Variants in XKR6 observed in about 807,000 individuals in gnomAD.
XKR6 encodes XK related 6, also known as XK-related protein 6.
Under a neutral mutation model 56.7 loss-of-function variants are expected in XKR6, and 22 were observed. The ratio of observed to expected loss-of-function variants is 0.39; its 90% CI spans 0.28 to 0.55. The LOEUF is 0.55. XKR6 is among the 20% of genes least tolerant of loss of function. XKR6 has a pLI of 0.66. For synonymous variants in XKR6, 524 were observed against 387.8 expected, an observed-to-expected ratio of 1.35 and a Z score of -4.13; for missense variants, 852 against 889.0, an observed-to-expected ratio of 0.96 and a Z score of 0.53.
chr8:11,064,532 T>C (rs553556804), intron 1 of XKR6, among the ~76,000 whole-genome samples: 51 of 152,250 alleles, frequency 3.3e-4, no homozygotes, highest in Non-Finnish European at 6.6e-4. Context: ...CCGCAAGAAT[T>C]GTCACTGACT....
chr8:11,079,829 T>C (rs1432242272), intron 1 of XKR6, among the ~76,000 whole-genome samples: 2 of 152,104 alleles, frequency 1.3e-5, no homozygotes, highest in East Asian at 1.9e-4. Flanking sequence ...TTAGCTGGCA[T>C]GGTGGCGTGC....
At chr8:10,976,201 C>T (rs1586380204) in intron 1 of XKR6, among the ~76,000 whole-genome samples, 1 of 150,150 alleles carries the variant, frequency 6.7e-6, no homozygotes, top group Admixed American at 6.6e-5. Context: ...TGCCCCCCCC[C>T]AACCTCGCCA....
intron 1 of XKR6, among the ~76,000 whole-genome samples, chr8:11,042,573 T>C (rs1032664622): frequency 6.6e-6 from 1 of 152,242 alleles, no homozygotes; most frequent in Non-Finnish European, 1.5e-5. Context: ...TGTGAGTCCA[T>C]TAAACCTCTT....
intron 1 of XKR6, chr8:11,123,518 C>T (rs188411465): frequency 1.7e-5 from 4 of 231,538 alleles, no homozygotes; most frequent in Non-Finnish European, 2.6e-5. Context: ...AATGTGAAGC[C>T]TGACAAAGCT....
intron 1 of XKR6, among the ~76,000 whole-genome samples, chr8:10,966,459 G>A (rs1000947521): frequency 3.9e-5 from 6 of 152,210 alleles, no homozygotes; most frequent in Admixed American, 3.9e-4. Flanking sequence ...GGATCACGAG[G>A]TCAGGAGATC....
intron 1 of XKR6, among the ~76,000 whole-genome samples, chr8:10,979,865 A>AGAGTG (rs1227148833): frequency 6.6e-6 from 1 of 152,188 alleles, no homozygotes; most frequent in African/African-American, 2.4e-5. Flanking sequence ...TTCCAAGGGC[A>AGAGTG]GAGTGGTCTC....
At chr8:10,925,117 G>C (rs1350542486) in intron 1 of XKR6, among the ~76,000 whole-genome samples, 1 of 152,208 alleles carries the variant, frequency 6.6e-6, no homozygotes, top group African/African-American at 2.4e-5. Context: ...AGATGAGACT[G>C]TGGGGCCAGA....
intron 1 of XKR6, among the ~76,000 whole-genome samples, chr8:10,977,236 G>T (rs1445237318): frequency 6.6e-6 from 1 of 152,116 alleles, no homozygotes; most frequent in African/African-American, 2.4e-5. Context: ...CCCAGGAGGG[G>T]TGGCCTGCCT....
intron 1 of XKR6, among the ~76,000 whole-genome samples, chr8:11,012,533 T>C (rs1435095546): frequency 1.3e-5 from 2 of 152,104 alleles, no homozygotes; most frequent in Non-Finnish European, 2.9e-5. Flanking sequence ...CAGCAGTCCC[T>C]GGCTACATCC....
intron 1 of XKR6, among the ~76,000 whole-genome samples, chr8:11,110,025 T>G (rs1305736085): frequency 6.6e-6 from 1 of 152,128 alleles, no homozygotes; most frequent in East Asian, 1.9e-4. Flanking sequence ...CAGGCTGGAG[T>G]GCAGTGACAC....
At chr8:11,159,176 C>T (rs73198960) in intron 1 of XKR6, among the ~76,000 whole-genome samples, 2,612 of 152,288 alleles carry the variant, frequency 0.017, 37 homozygotes, top group South Asian at 0.033. Flanking sequence ...TACTAACATC[C>T]ACCATATATT....
chr8:11,128,784 C>T, intron 1 of XKR6: 1 of 455,792 alleles, frequency 2.2e-6, no homozygotes, highest in South Asian at 1.6e-5. Context: ...TTATGCCCAT[C>T]AGCTGACCAA....
intron 2 of XKR6, among the ~76,000 whole-genome samples, chr8:10,913,805 G>C (rs984868157): frequency 6.6e-6 from 1 of 152,220 alleles, no homozygotes; most frequent in Non-Finnish European, 1.5e-5. Flanking sequence ...AAGCAGAGAA[G>C]GACCCAAAGT....
intron 1 of XKR6, among the ~76,000 whole-genome samples, chr8:11,166,379 T>C (rs1232290753): frequency 2.0e-5 from 3 of 152,082 alleles, no homozygotes; most frequent in African/African-American, 7.2e-5. Context: ...TGAAAGTTTG[T>C]TTCCCAGCTA....
At chr8:10,971,289 C>T (rs7827714) in intron 1 of XKR6, among the ~76,000 whole-genome samples, 22,841 of 151,366 alleles carry the variant, frequency 0.15, 2,054 homozygotes, top group African/African-American at 0.25. Context: ...GGTGTGGTGG[C>T]GGGCACCTGT....
chr8:10,949,551 T>C (rs1244550499), intron 1 of XKR6, among the ~76,000 whole-genome samples: 1 of 152,206 alleles, frequency 6.6e-6, no homozygotes, highest in Non-Finnish European at 1.5e-5. Context: ...CAGGGAGGCC[T>C]CCGATGTGCC....
chr8:11,173,171 TA>T (rs1802464044), intron 1 of XKR6, among the ~76,000 whole-genome samples: 3 of 144,648 alleles, frequency 2.1e-5, no homozygotes, highest in Admixed American at 1.4e-4. Context: ...CCGTCTCCAC[TA>T]AAAAATACAA....
intron 1 of XKR6, among the ~76,000 whole-genome samples, chr8:11,138,992 C>A (rs374077195): frequency 3.3e-4 from 50 of 151,426 alleles, no homozygotes; most frequent in Admixed American, 1.3e-3. Flanking sequence ...ATATAGTTAG[C>A]TAGTTGCCAC....
chr8:11,035,696 G>A (rs1799123133), intron 1 of XKR6, among the ~76,000 whole-genome samples: 1 of 152,188 alleles, frequency 6.6e-6, no homozygotes, highest in South Asian at 2.1e-4. Flanking sequence ...ACAGACAGTG[G>A]TGTGTCATTT....
Sources: allele counts gnomAD v4.1 joint callset (sites outside exome capture counted in the v4.1 genomes callset), GRCh38; gene constraint gnomAD v4.1.1; transcripts MANE v1.5; gene names NCBI Gene and HGNC (gene_info 2026-07-23, HGNC 2026-07-21).